Variants in MKLN1 observed in about 807,000 individuals in gnomAD.
MKLN1 encodes muskelin 1, also known as muskelin.
In MKLN1, 18 loss-of-function variants were observed where a neutral mutation model predicts 99.0. The ratio of observed to expected loss-of-function variants is 0.18; its 90% CI spans 0.13 to 0.27. The LOEUF is 0.27. Among genes scored for constraint, MKLN1 ranks in the 10% least tolerant of loss-of-function variants. The pLI, the probability that MKLN1 is intolerant of heterozygous loss-of-function variation, is 1.00. For missense variants in MKLN1, 621 were observed against 875.9 expected (o/e 0.71, Z 3.67); for synonymous variants, 288 against 293.2 (o/e 0.98, Z 0.18).
chr7:131,447,839 A>G (rs1294066364), intron 12 of MKLN1, among the ~76,000 whole-genome samples: 1 of 152,220 alleles, frequency 6.6e-6, no homozygotes, highest in East Asian at 1.9e-4. Flanking sequence ...CAAGATGAAA[A>G]CAGTTACACA....
chr7:131,269,164 G>A (rs1463238983), intron 3 of MKLN1, among the ~76,000 whole-genome samples: 3 of 152,218 alleles, frequency 2.0e-5, no homozygotes, highest in South Asian at 2.1e-4. Context: ...CCTATGAAAA[G>A]AATAAATGTG....
chr7:131,397,407 T>TAGGCATTAAAGTCA, intron 5 of MKLN1, 31 bp downstream of exon 5: 2 of 1,189,548 alleles, frequency 1.7e-6, no homozygotes, highest in Non-Finnish European at 2.4e-6. Context: ...CTGACTTTAA[T>TAGGCATTAAAGTCA]GCCTATAAAA....
intron 1 of MKLN1, among the ~76,000 whole-genome samples, chr7:131,137,644 G>A (rs985676233): frequency 2.6e-5 from 4 of 152,150 alleles, no homozygotes; most frequent in Non-Finnish European, 4.4e-5. Flanking sequence ...GCGCAATCTC[G>A]GCTCACTGCA....
intron 1 of MKLN1, among the ~76,000 whole-genome samples, chr7:131,332,596 A>T (rs1799111074): frequency 6.6e-6 from 1 of 151,608 alleles, no homozygotes; most frequent in African/African-American, 2.4e-5. Flanking sequence ...CCTAAAGATT[A>T]CTAGTCACCC....
intron 3 of MKLN1, among the ~76,000 whole-genome samples, chr7:131,267,945 G>T (rs1031433748): frequency 6.6e-6 from 1 of 152,012 alleles, no homozygotes; most frequent in Non-Finnish European, 1.5e-5. Context: ...AAAATATTAC[G>T]TACCTCTAAA....
At chr7:131,137,198 G>C (rs934770327) in intron 1 of MKLN1, among the ~76,000 whole-genome samples, 1 of 152,154 alleles carries the variant, frequency 6.6e-6, no homozygotes, top group African/African-American at 2.4e-5. Context: ...CGCCTGTACA[G>C]TTTGAGCACA....
At chr7:131,462,726 C>T (rs1796551416) in intron 12 of MKLN1, among the ~76,000 whole-genome samples, 1 of 152,058 alleles carries the variant, frequency 6.6e-6, no homozygotes, top group Non-Finnish European at 1.5e-5. Context: ...AAGGAGAAGG[C>T]AATATATAAT....
intron 12 of MKLN1, among the ~76,000 whole-genome samples, chr7:131,456,027 C>A (rs1295164338): frequency 7.0e-6 from 1 of 143,496 alleles, no homozygotes; most frequent in Non-Finnish European, 1.5e-5. Context: ...GCCTGAGTGA[C>A]AGAGTGAGAC....
intron 3 of MKLN1, among the ~76,000 whole-genome samples, chr7:131,215,445 AGGG>A (rs1316573877): frequency 6.6e-6 from 1 of 152,112 alleles, no homozygotes; most frequent in Non-Finnish European, 1.5e-5. Flanking sequence ...TTCTGGCTCA[AGGG>A]ATCCTTCTGT....
chr7:131,200,374 A>G (rs1796709084), intron 2 of MKLN1, among the ~76,000 whole-genome samples: 1 of 152,246 alleles, frequency 6.6e-6, no homozygotes, highest in Non-Finnish European at 1.5e-5. Flanking sequence ...TTCAAACTCA[A>G]AGAAAACTTT....
chr7:131,193,096 A>C (rs1305470505), intron 2 of MKLN1, among the ~76,000 whole-genome samples: 3 of 152,206 alleles, frequency 2.0e-5, no homozygotes, highest in Admixed American at 6.5e-5. Flanking sequence ...AACAGTTACA[A>C]AATTTAAATG....
rs556180331 is a variant in MKLN1, at chr7:131,193,621, G to A, written c.-296-9236G>A. ...AAATTCCTGACCTCGTGATCCGCCC[G>A]CCTCGGCCTCTCAGCCTCCCAAAGT... On this transcript the variant is annotated intron_variant, in intron 2 of 7. Coordinates refer to the MKLN1 transcript ENST00000416992. 1.3e-3 allele frequency among the ~76,000 whole-genome samples: 194 copies of A among 151,986 alleles called. 1 individual carries two copies. Among genetic ancestry groups the A allele is most frequent in the African/African-American group, 4.4e-3 (184 of 41,444 alleles).
chr7:131,130,586 A>G (rs923752716), intron 1 of MKLN1, among the ~76,000 whole-genome samples: 2 of 152,248 alleles, frequency 1.3e-5, no homozygotes, highest in African/African-American at 2.4e-5. Flanking sequence ...TTAATACGTA[A>G]GAAGATGACA....
At chr7:131,128,498 G>A (rs1795498122) in intron 1 of MKLN1, among the ~76,000 whole-genome samples, 1 of 152,096 alleles carries the variant, frequency 6.6e-6, no homozygotes, top group Non-Finnish European at 1.5e-5. Flanking sequence ...GGGCAACATA[G>A]CAAGACTTTG....
At chr7:131,471,962 AT>A (rs1338478034) in intron 16 of MKLN1, 2 of 152,228 alleles carry the variant, frequency 1.3e-5, no homozygotes, top group Non-Finnish European at 2.9e-5. Flanking sequence ...GTCTCTCAAT[AT>A]TGATTATGGC....
chr7:131,136,712 C>T (rs1795654161), intron 1 of MKLN1, among the ~76,000 whole-genome samples: 1 of 152,186 alleles, frequency 6.6e-6, no homozygotes, highest in Non-Finnish European at 1.5e-5. Context: ...CCCGTTGCAC[C>T]ACATGTCCTG....
chr7:131,482,488 A>C (rs547934068), intron 17 of MKLN1, among the ~76,000 whole-genome samples: 1 of 152,308 alleles, frequency 6.6e-6, no homozygotes, highest in South Asian at 2.1e-4. Context: ...TAGTGTTAGA[A>C]ATAAGAAGTG....
chr7:131,443,427 C>A, intron 10 of MKLN1, 54 bp from the exon 11 acceptor site: 1 of 1,326,042 alleles, frequency 7.5e-7, no homozygotes, highest in Non-Finnish European at 1.1e-6. Flanking sequence ...TTTGTTTTAG[C>A]ACATATGACA....
intron 1 of MKLN1, among the ~76,000 whole-genome samples, chr7:131,123,022 CAAAAAAAAAAAAA>C (rs59581806): frequency 0.13 from 7,718 of 60,560 alleles, 399 homozygotes; most frequent in Middle Eastern, 0.34. Context: ...GACTCCGTCT[CAAAAAAAAAAAAA>C]AAAAAAAAAA....
Sources: gnomAD v4.1 joint callset for allele counts (sites outside exome capture counted in the v4.1 genomes callset) on GRCh38, gnomAD v4.1.1 for gene constraint, MANE v1.5 for transcripts, NCBI Gene and HGNC (gene_info 2026-07-23, HGNC 2026-07-21) for gene names.